PCCA: variants seen among roughly 807,000 people sequenced by gnomAD.
PCCA encodes the protein propionyl-CoA carboxylase alpha chain, mitochondrial.
In PCCA, 74 loss-of-function variants were observed where a neutral mutation model predicts 101.3. That is an observed-to-expected ratio of 0.73 (90% CI 0.61 to 0.89). PCCA has a LOEUF of 0.89. Among genes scored for constraint, PCCA ranks in the 40% least tolerant of loss-of-function variants. The pLI, the probability that PCCA is intolerant of heterozygous loss-of-function variation, is 0.00. For synonymous variants in PCCA, 294 were observed against 313.6 expected (o/e 0.94, Z 0.66); for missense variants, 891 against 907.0 (o/e 0.98, Z 0.23).
chr13:100,512,576 G>A (rs189727968), intron 21 of PCCA, among the ~76,000 whole-genome samples: 5 of 152,230 alleles, frequency 3.3e-5, no homozygotes, highest in African/African-American at 9.6e-5. Flanking sequence ...TCACTGGAGC[G>A]AGTCATCTTC....
intron 19 of PCCA, among the ~76,000 whole-genome samples, chr13:100,417,826 G>T (rs2078478153): frequency 6.6e-6 from 1 of 151,996 alleles, no homozygotes; most frequent in African/African-American, 2.4e-5. Flanking sequence ...GGGTAGTTTT[G>T]TTCTCATACC....
At chr13:100,471,531 C>T (rs1263952579) in intron 21 of PCCA, among the ~76,000 whole-genome samples, 1 of 152,176 alleles carries the variant, frequency 6.6e-6, no homozygotes, top group Non-Finnish European at 1.5e-5. Context: ...TAGAGTGAAG[C>T]CTAATAAAAT....
At chr13:100,360,450 A>T (rs1234391275) in intron 18 of PCCA, among the ~76,000 whole-genome samples, 1 of 152,038 alleles carries the variant, frequency 6.6e-6, no homozygotes, top group Non-Finnish European at 1.5e-5. Context: ...TGCATCATAG[A>T]CAGATCTACA....
chr13:100,089,725 C>T (rs2046106413), intron 1 of PCCA, among the ~76,000 whole-genome samples: 1 of 152,156 alleles, frequency 6.6e-6, no homozygotes, highest in Admixed American at 6.5e-5. Flanking sequence ...TCAGGACTGC[C>T]AATAGATTTT....
chr13:100,388,333 A>G (rs886532842), intron 19 of PCCA, among the ~76,000 whole-genome samples: 1 of 151,882 alleles, frequency 6.6e-6, no homozygotes, highest in Non-Finnish European at 1.5e-5. Flanking sequence ...GCATGGTGGC[A>G]CATGTCTGTG....
chr13:100,303,009 A>G lies in PCCA; in HGVS notation c.1284+11A>G. The G allele has an allele frequency of 6.9e-7, 1 of 1,452,182 alleles. No individual in the cohort carries two copies. Among genetic ancestry groups the G allele is most frequent in the Non-Finnish European group, 9.7e-7 (1 of 1,032,202 alleles). 90.0% of individuals were successfully genotyped at this position (1,452,182 alleles called of 1,614,324 possible). A position where few individuals can be genotyped will look rare whatever the true frequency, so the allele number is the denominator to read the frequency against. ...TTACATCTACCTGGTGTAAGTCATT[A>G]AGCTGTAATACCAGCTGAAGGGTTA... On this transcript the variant is annotated intron_variant, in intron 14 of 23. Transcript: ENST00000376285.
intron 21 of PCCA, chr13:100,477,278 A>G (rs1004114483): frequency 2.0e-5 from 3 of 152,204 alleles, no homozygotes; most frequent in African/African-American, 7.2e-5. Flanking sequence ...TTACCACTCA[A>G]TAACTAGCAG....
chr13:100,171,419 G>A (rs1401428704), intron 6 of PCCA, among the ~76,000 whole-genome samples: 1 of 152,144 alleles, frequency 6.6e-6, no homozygotes, highest in Non-Finnish European at 1.5e-5. Flanking sequence ...CTCTGAGAGT[G>A]TGGCCTTTAA....
intron 19 of PCCA, among the ~76,000 whole-genome samples, chr13:100,376,275 G>A (rs933022066): frequency 6.6e-6 from 1 of 152,222 alleles, no homozygotes; most frequent in Non-Finnish European, 1.5e-5. Flanking sequence ...CCTGTGTGAT[G>A]TGTCTGTCAA....
At chr13:100,096,260 A>G (rs1039601367) in intron 1 of PCCA, among the ~76,000 whole-genome samples, 5 of 152,058 alleles carry the variant, frequency 3.3e-5, no homozygotes, top group African/African-American at 1.2e-4. Flanking sequence ...AAACATTTTG[A>G]TAATTTTTTC....
At chr13:100,329,464 G>T (rs2069211059) in intron 16 of PCCA, among the ~76,000 whole-genome samples, 2 of 152,094 alleles carry the variant, frequency 1.3e-5, no homozygotes, top group Admixed American at 6.6e-5. Context: ...CCAATTGAGA[G>T]CAGTCATCGA....
At chr13:100,106,252 T>G (rs1410922049) in intron 2 of PCCA, among the ~76,000 whole-genome samples, 2 of 152,198 alleles carry the variant, frequency 1.3e-5, no homozygotes, top group East Asian at 3.8e-4. Flanking sequence ...TTTTATGTCT[T>G]AATAAATGTT....
intron 8 of PCCA, chr13:100,236,913 A>G (rs964305330): frequency 6.6e-6 from 1 of 152,224 alleles, no homozygotes; most frequent in Non-Finnish European, 1.5e-5. Context: ...CAGTAATTGT[A>G]TACATTTGAC....
chr13:100,424,467 T>C (rs1232971064), intron 19 of PCCA, among the ~76,000 whole-genome samples: 1 of 152,144 alleles, frequency 6.6e-6, no homozygotes, highest in East Asian at 1.9e-4. Context: ...GTACTTGGGT[T>C]ATTTGCCCAG....
intron 19 of PCCA, among the ~76,000 whole-genome samples, chr13:100,408,077 A>G (rs541608568): frequency 6.6e-6 from 1 of 152,312 alleles, no homozygotes; most frequent in African/African-American, 2.4e-5. Flanking sequence ...TCTTGAACCC[A>G]GGAGGCAAAG....
chr13:100,118,983 T>A lies in PCCA; in HGVS notation c.300+6922T>A, dbSNP rs537670893. Among the ~76,000 whole-genome samples, 8 of 152,282 alleles carry A rather than the reference T, an allele frequency of 5.3e-5. No homozygotes were observed. The South Asian group carries it at 1.2e-3, about 24-fold the overall frequency. On this transcript the variant is annotated intron_variant, in intron 4 of 23. Coordinates refer to ENST00000376285, the MANE Select transcript of PCCA (RefSeq NM_000282.4). The stretch of plus-strand genomic sequence containing the variant: ...TATAATGGTACATTTTCTTTTTTTT[T>A]ATTAAATAATTTTTGGGGTGAGTTT...
intron 7 of PCCA, among the ~76,000 whole-genome samples, chr13:100,210,061 C>T (rs1182200659): frequency 6.6e-6 from 1 of 151,994 alleles, no homozygotes; most frequent in Non-Finnish European, 1.5e-5. Context: ...CTCAAATGAT[C>T]CTCTCGCCAT....
chr13:100,498,235 CAAAA>C (rs34099057), intron 21 of PCCA, among the ~76,000 whole-genome samples: 3 of 127,962 alleles, frequency 2.3e-5, no homozygotes, highest in African/African-American at 2.8e-5. Flanking sequence ...GTAGGTTAGC[CAAAA>C]AAAAAAAAAA....
intron 4 of PCCA, among the ~76,000 whole-genome samples, chr13:100,147,244 G>A (rs1287326800): frequency 6.6e-6 from 1 of 152,166 alleles, no homozygotes; most frequent in East Asian, 1.9e-4. Context: ...TGGTTATCTG[G>A]TATCTATACT....
Sources: allele counts gnomAD v4.1 joint callset (sites outside exome capture counted in the v4.1 genomes callset), GRCh38; gene constraint gnomAD v4.1.1; transcripts MANE v1.5; gene names NCBI Gene and HGNC (gene_info 2026-07-23, HGNC 2026-07-21).